ANKHD1: variants seen among roughly 807,000 people sequenced by gnomAD.
ANKHD1 encodes ankyrin repeat and KH domain containing 1, also known as ankyrin repeat and KH domain-containing protein 1.
In ANKHD1, 31 loss-of-function variants were observed where a neutral mutation model predicts 230.5. The ratio of observed to expected loss-of-function variants is 0.13; its 90% CI spans 0.10 to 0.18. ANKHD1 has a LOEUF of 0.18. Among genes scored for constraint, ANKHD1 ranks in the 10% least tolerant of loss-of-function variants. The pLI is 1.00. For synonymous variants in ANKHD1, 1,074 were observed against 1,117.6 expected (o/e 0.96, Z 0.78); for missense variants, 2,256 against 3,071.3 (o/e 0.73, Z 6.27).
At chr5:140,463,559 C>T (rs1259832814) in intron 9 of ANKHD1, among the ~76,000 whole-genome samples, 1 of 152,150 alleles carries the variant, frequency 6.6e-6, no homozygotes, top group Non-Finnish European at 1.5e-5. Context: ...ATATATTTTT[C>T]TTATAGATCA....
At chr5:140,464,142 A>G (rs1411746850) in intron 9 of ANKHD1, among the ~76,000 whole-genome samples, 1 of 151,936 alleles carries the variant, frequency 6.6e-6, no homozygotes, top group Non-Finnish European at 1.5e-5. Context: ...AGGCTGGGCC[A>G]GGAGACTTGC....
intron 1 of ANKHD1, among the ~76,000 whole-genome samples, chr5:140,422,246 C>T (rs1772039374): frequency 6.6e-6 from 1 of 152,056 alleles, no homozygotes; most frequent in African/African-American, 2.4e-5. Context: ...CCGCACCCTC[C>T]CGAGTAGCTG....
intron 7 of ANKHD1, among the ~76,000 whole-genome samples, chr5:140,458,389 AT>A (rs755316561): frequency 6.6e-6 from 1 of 152,174 alleles, no homozygotes; most frequent in South Asian, 2.1e-4. Context: ...CTTTTGGAGA[AT>A]TTTGGGCTTG....
chr5:140,429,417 C>T (rs1039460772), intron 1 of ANKHD1, among the ~76,000 whole-genome samples: 1 of 152,008 alleles, frequency 6.6e-6, no homozygotes, highest in Non-Finnish European at 1.5e-5. Flanking sequence ...TTAAAGGATA[C>T]CAGAAATGAA....
rs377385884 is a variant in ANKHD1 at position 140,436,619 on chromosome 5, G to A, written c.460+362G>A. Among the ~76,000 whole-genome samples, 44 of 152,048 alleles carry A rather than the reference G, an allele frequency of 2.9e-4. No homozygotes were observed. In the Middle Eastern group the frequency reaches 0.014, roughly 47 times the overall value. On this transcript the variant is annotated intron_variant, in intron 2 of 33. Coordinates refer to ENST00000360839, the MANE Select transcript of ANKHD1 (RefSeq NM_017747.3). ...AAATTAGCCAGGTATGGCGGTGTGCGCCTGTAGTCCCAGCTACTCAGGCAG... is the reference window on the plus strand; with the variant it reads ...AAATTAGCCAGGTATGGCGGTGTGCACCTGTAGTCCCAGCTACTCAGGCAG...
At chr5:140,510,315 T>A in intron 22 of ANKHD1, 134 bp downstream of exon 22, 1 of 1,238,706 alleles carries the variant, frequency 8.1e-7, no homozygotes, top group African/African-American at 1.6e-5. Context: ...CATTCTTTTT[T>A]TTTTTTTTTT....
intron 7 of ANKHD1, among the ~76,000 whole-genome samples, chr5:140,454,276 C>A (rs1202743777): frequency 6.6e-6 from 1 of 151,994 alleles, no homozygotes; most frequent in Admixed American, 6.6e-5. Flanking sequence ...ACTTTAACAC[C>A]CCACTGTCAA....
chr5:140,507,729 T>C lies in ANKHD1; in HGVS notation c.3552-56T>C. On this transcript the variant is annotated intron_variant, in intron 19 of 33. Transcript: ENST00000360839. The surrounding 1 kb of genome is among the most constrained non-coding windows in gnomAD (Gnocchi z 4.1). ...GAAACCTTTTCATCTTTAATGCTTTTCTAAAATAATAGGCAACATATTATT... is the reference window on the plus strand; with the variant it reads ...GAAACCTTTTCATCTTTAATGCTTTCCTAAAATAATAGGCAACATATTATT... 1.3e-6 allele frequency: 2 copies of C among 1,579,820 alleles called. No individual in the cohort carries two copies. Among genetic ancestry groups the C allele is most frequent in the South Asian group, 2.3e-5 (2 of 86,876 alleles).
At chr5:140,402,409 G>GC in intron 1 of ANKHD1, 136 bp downstream of exon 1, 1 of 1,244,220 alleles carries the variant, frequency 8.0e-7, no homozygotes, top group South Asian at 1.8e-5. Context: ...GGCGGCGGTG[G>GC]CCGCGGTGAG....
intron 1 of ANKHD1, among the ~76,000 whole-genome samples, chr5:140,427,650 A>AC (rs1227517244): frequency 3.7e-5 from 4 of 106,816 alleles, no homozygotes; most frequent in African/African-American, 7.3e-5. Flanking sequence ...CGGGGGGCTG[A>AC]CCCCCCCACC....
intron 10 of ANKHD1, among the ~76,000 whole-genome samples, chr5:140,474,658 G>A (rs923377503): frequency 1.6e-4 from 23 of 144,370 alleles, no homozygotes; most frequent in African/African-American, 5.7e-4. Context: ...GTACAAAAGC[G>A]TGATTATAGC....
At chr5:140,476,271 T>C (rs1750962219) in intron 10 of ANKHD1, among the ~76,000 whole-genome samples, 1 of 152,042 alleles carries the variant, frequency 6.6e-6, no homozygotes, top group Non-Finnish European at 1.5e-5. Context: ...TATTATCTAC[T>C]AGAAGTTCCT....
intron 29 of ANKHD1, among the ~76,000 whole-genome samples, chr5:140,531,068 C>A (rs113558826): frequency 9.9e-5 from 15 of 152,278 alleles, no homozygotes; most frequent in African/African-American, 3.6e-4. Flanking sequence ...TCTATTACAA[C>A]TTTTCATTTG....
At chr5:140,478,952 GATACTTT>G (rs1751113751) in intron 10 of ANKHD1, among the ~76,000 whole-genome samples, 1 of 150,024 alleles carries the variant, frequency 6.7e-6, no homozygotes, top group African/African-American at 2.4e-5. Context: ...CCAAGAAATA[GATACTTT>G]CTTTCTTTAT....
rs893536580 is a variant in ANKHD1 at position 140,519,224 on chromosome 5, A to T, written c.4318-4842A>T. On this transcript the variant is annotated intron_variant, in intron 24 of 33. Transcript: ENST00000360839. ...TACCTAGGAATCCAACTTACAAGGGATGTAAAGGACCTCTTCAAGGAGAAC... is the reference window on the plus strand; with the variant it reads ...TACCTAGGAATCCAACTTACAAGGGTTGTAAAGGACCTCTTCAAGGAGAAC... Among the ~76,000 whole-genome samples the T allele has an allele frequency of 1.1e-4, 17 of 152,298 alleles. No homozygotes were observed. The East Asian group carries it at 1.4e-3, about 12-fold the overall frequency.
chr5:140,496,461 CTTTTTTTTTTTT>C (rs770445733), intron 14 of ANKHD1, 47 bp from the exon 15 acceptor site: 3 of 511,146 alleles, frequency 5.9e-6, no homozygotes, highest in South Asian at 6.8e-5. Flanking sequence ...TTTTTCTTTT[CTTTTTTTTTTTT>C]TTTTTTTTTA....
rs1006822501 is a variant in ANKHD1, at chr5:140,496,683, A to G, written c.2409A>G (p.Ser803=). 4 of 1,613,772 alleles carry G rather than the reference A, an allele frequency of 2.5e-6. No individual in the cohort carries two copies. Among genetic ancestry groups the G allele is most frequent in the Middle Eastern group, 1.6e-4 (1 of 6,084 alleles). Residue 803 remains serine, a synonymous_variant, in exon 15 of 34, where the codon TCA becomes TCG. Coordinates refer to ENST00000360839, the MANE Select transcript of ANKHD1 (RefSeq NM_017747.3). ...ISAIEKAQLK[S]LELIQGEPLN... is the part of the protein sequence containing the mutation. ...CTATTGAAAAAGCACAGCTTAAGTCACTGGAGTTAATTCAAGGTGAACCTC... is the reference window on the plus strand; with the variant it reads ...CTATTGAAAAAGCACAGCTTAAGTCGCTGGAGTTAATTCAAGGTGAACCTC...
At chr5:140,404,589 C>T (rs971541206) in intron 1 of ANKHD1, among the ~76,000 whole-genome samples, 3 of 151,782 alleles carry the variant, frequency 2.0e-5, no homozygotes, top group South Asian at 2.1e-4. Context: ...CCTGCTACCA[C>T]GACTGGCTAA....
At chr5:140,464,431 A>C (rs1044452361) in intron 9 of ANKHD1, among the ~76,000 whole-genome samples, 5 of 152,188 alleles carry the variant, frequency 3.3e-5, no homozygotes, top group African/African-American at 7.2e-5. Context: ...TCCTTAGGGT[A>C]TATCTTACTA....
Sources: gnomAD v4.1 joint callset for allele counts (sites outside exome capture counted in the v4.1 genomes callset) on GRCh38, gnomAD v4.1.1 for gene constraint, Gnocchi (gnomAD v3.1) non-coding constraint, MANE v1.5 for transcripts, NCBI Gene and HGNC (gene_info 2026-07-23, HGNC 2026-07-21) for gene names.